Variants in CNTN4 observed in about 807,000 individuals in gnomAD.
The protein encoded by CNTN4 is contactin-4.
CNTN4 carries 77 observed loss-of-function variants against 122.5 expected under a neutral mutation model. The observed-to-expected ratio is 0.63, with a 90% confidence interval of 0.52 to 0.76. The LOEUF is 0.76. CNTN4 is among the 30% of genes least tolerant of loss of function. The probability of loss-of-function intolerance (pLI) is 0.00; values close to 1 mark genes in which losing one functional copy is unlikely to be tolerated. For missense variants in CNTN4, 1,256 were observed against 1,259.1 expected (o/e 1.00, Z 0.04); for synonymous variants, 512 against 447.0 (o/e 1.15, Z -1.83).
intron 7 of CNTN4, among the ~76,000 whole-genome samples, chr3:2,847,789 A>G (rs1001942851): frequency 6.6e-5 from 10 of 152,162 alleles, no homozygotes; most frequent in African/African-American, 2.4e-4. Context: ...CATGCATCAG[A>G]ACAGATCATT....
chr3:2,941,733 G>A (rs1345812589), intron 13 of CNTN4, among the ~76,000 whole-genome samples: 1 of 152,114 alleles, frequency 6.6e-6, no homozygotes, highest in African/African-American at 2.4e-5. Context: ...AGCCAGAATG[G>A]TAATGGAAAT....
intron 2 of CNTN4, among the ~76,000 whole-genome samples, chr3:2,137,841 C>T (rs2034778838): frequency 1.3e-5 from 2 of 152,192 alleles, no homozygotes; most frequent in Admixed American, 6.5e-5. Context: ...TACCCCACCC[C>T]TACTGCATCT....
rs79963957 is a variant in CNTN4 at position 2,412,621 on chromosome 3, G to A, written c.-89+73388G>A. Among the ~76,000 whole-genome samples, 708 of 152,194 alleles carry A rather than the reference G, an allele frequency of 4.7e-3. 8 individuals are homozygous for A. The highest frequency in any genetic ancestry group is 0.017 in the African/African-American group (692 of 41,522). ...TGTGGTTTGCTCTTCTAATTCTTAT[G>A]CAATAGTAATGAGTCTTTAAAACAA... On this transcript the variant is annotated intron_variant, in intron 3 of 24. Coordinates refer to ENST00000418658, the MANE Select transcript of CNTN4 (RefSeq NM_175607.3).
At chr3:2,955,486 T>C (rs1559715337) in intron 13 of CNTN4, among the ~76,000 whole-genome samples, 1 of 152,160 alleles carries the variant, frequency 6.6e-6, no homozygotes, top group East Asian at 1.9e-4. Flanking sequence ...GCTCTAGACA[T>C]TAAATATTCA....
chr3:2,840,568 G>GCA lies in CNTN4; in HGVS notation c.454+20987_454+20988insCA, dbSNP rs1158127431. ...ACAAAAATTAGCCGGGCGCGGTGAT[G>GCA]GGCGCCTGTAGTCCCAGCTACTCGG... is the stretch of plus-strand genomic sequence containing the variant. On this transcript the variant is annotated intron_variant, in intron 7 of 24. Transcript: ENST00000418658. 2.0e-4 allele frequency among the ~76,000 whole-genome samples: 5 copies of GCA among 25,492 alleles called. 2 individuals are homozygous for GCA. Among genetic ancestry groups the GCA allele is most frequent in the African/African-American group, 3.1e-4 (5 of 16,260 alleles). The allele number at this position is 25,492 out of a possible 152,430, so 16.7% of individuals were successfully genotyped here. A position where few individuals can be genotyped will look rare whatever the true frequency, so the allele number is the denominator to read the frequency against.
chr3:2,915,220 C>T (rs2094340792), intron 12 of CNTN4, among the ~76,000 whole-genome samples: 1 of 152,200 alleles, frequency 6.6e-6, no homozygotes, highest in East Asian at 1.9e-4. Flanking sequence ...CGCATGCCAA[C>T]ATGGCTGGCT....
chr3:2,647,213 C>A (rs1005655670), intron 4 of CNTN4, among the ~76,000 whole-genome samples: 1 of 151,742 alleles, frequency 6.6e-6, no homozygotes, highest in African/African-American at 2.4e-5. Context: ...AGACCCCGTC[C>A]CTACTAAAAA....
chr3:2,649,095 T>C (rs1349500347), intron 4 of CNTN4, among the ~76,000 whole-genome samples: 1 of 152,172 alleles, frequency 6.6e-6, no homozygotes, highest in Non-Finnish European at 1.5e-5. Context: ...CAGAGGTTGC[T>C]TCATGAGATT....
At chr3:2,106,159 T>G (rs1386333581) in intron 2 of CNTN4, among the ~76,000 whole-genome samples, 1 of 152,232 alleles carries the variant, frequency 6.6e-6, no homozygotes, top group Non-Finnish European at 1.5e-5. Context: ...CCCTCCCAAC[T>G]GCTTTCATGG....
At chr3:2,714,575 A>G (rs1199747370) in intron 4 of CNTN4, among the ~76,000 whole-genome samples, 1 of 152,134 alleles carries the variant, frequency 6.6e-6, no homozygotes, top group African/African-American at 2.4e-5. Flanking sequence ...GACCAAACCA[A>G]ACAAGTACTC....
intron 2 of CNTN4, among the ~76,000 whole-genome samples, chr3:2,290,926 G>A (rs2042109935): frequency 6.6e-6 from 1 of 152,092 alleles, no homozygotes; most frequent in African/African-American, 2.4e-5. Context: ...GACACTATAG[G>A]ATTTTTTAAA....
chr3:2,554,612 T>C (rs957134959), intron 3 of CNTN4, among the ~76,000 whole-genome samples: 1 of 152,170 alleles, frequency 6.6e-6, no homozygotes, highest in Admixed American at 6.6e-5. Flanking sequence ...ATATATATAT[T>C]TTTTATTTTA....
chr3:2,960,387 AGTTTTTTT>A lies in CNTN4; in HGVS notation c.1359-27950_1359-27943del, dbSNP rs374483041. Among the ~76,000 whole-genome samples, 396 of 149,438 alleles carry A rather than the reference AGTTTTTTT, an allele frequency of 2.6e-3. 4 individuals carry two copies. Among genetic ancestry groups the A allele is most frequent in the African/African-American group, 9.0e-3 (372 of 41,238 alleles). On this transcript the variant is annotated intron_variant, in intron 13 of 24. Coordinates refer to ENST00000418658, the MANE Select transcript of CNTN4 (RefSeq NM_175607.3). Reference sequence around the variant, plus strand: ...ATACTTTAGATAAATACAGGTTTTGAGTTTTTTTGTTTTTTGTTTTTTGTTTTTGGTTA... The same window carrying A: ...ATACTTTAGATAAATACAGGTTTTGAGTTTTTTGTTTTTTGTTTTTGGTTA...
At chr3:2,370,526 T>C (rs2045592026) in intron 3 of CNTN4, among the ~76,000 whole-genome samples, 1 of 152,164 alleles carries the variant, frequency 6.6e-6, no homozygotes, top group African/African-American at 2.4e-5. Flanking sequence ...ACTGATTTTG[T>C]TCCTGTTTGA....
intron 2 of CNTN4, among the ~76,000 whole-genome samples, chr3:2,246,161 T>A (rs1338962163): frequency 2.6e-5 from 4 of 151,960 alleles, no homozygotes; most frequent in Admixed American, 6.6e-5. Flanking sequence ...TGTGTTTTTT[T>A]AAAAAAAATA....
intron 3 of CNTN4, among the ~76,000 whole-genome samples, chr3:2,498,079 ATATGGCCAATTC>A (rs1292943380): frequency 1.4e-4 from 21 of 152,220 alleles, no homozygotes; most frequent in Non-Finnish European, 2.9e-4. Context: ...ATGATATAAT[ATATGGCCAATTC>A]ATTGAATATT....
chr3:2,994,205 C>T (rs1295403971), intron 14 of CNTN4, among the ~76,000 whole-genome samples: 1 of 151,444 alleles, frequency 6.6e-6, no homozygotes, highest in East Asian at 1.9e-4. Flanking sequence ...TCTCAGACTG[C>T]ATGTTCTTCC....
At chr3:2,212,510 A>G (rs570916973) in intron 2 of CNTN4, among the ~76,000 whole-genome samples, 1 of 152,224 alleles carries the variant, frequency 6.6e-6, no homozygotes, top group African/African-American at 2.4e-5. Context: ...GGGATCTCCT[A>G]TTTATAAAAC....
intron 4 of CNTN4, among the ~76,000 whole-genome samples, chr3:2,651,366 T>C (rs1263670736): frequency 1.3e-5 from 2 of 152,166 alleles, no homozygotes; most frequent in African/African-American, 4.8e-5. Context: ...TATTCTCTCC[T>C]TCTCCCAAAA....
Sources: gnomAD v4.1 joint callset for allele counts (sites outside exome capture counted in the v4.1 genomes callset) on GRCh38, gnomAD v4.1.1 for gene constraint, MANE v1.5 for transcripts, NCBI Gene and HGNC (gene_info 2026-07-23, HGNC 2026-07-21) for gene names.